The following CHST7 variants were observed in gnomAD, a reference collection of about 807,000 sequenced individuals.
CHST7 encodes N-acetylglucosamine 6-O-sulfotransferase 4.
Under a neutral mutation model 9.0 loss-of-function variants are expected in CHST7, and 5 were observed. The ratio of observed to expected loss-of-function variants is 0.56; its 90% CI spans 0.29 to 1.17. CHST7 has a LOEUF of 1.17. CHST7 is among the 50% of genes most tolerant of loss of function. The probability of loss-of-function intolerance (pLI) is 0.08; values close to 1 mark genes in which losing one functional copy is unlikely to be tolerated. For missense variants in CHST7, 377 were observed against 485.1 expected (o/e 0.78, Z 2.09); for synonymous variants, 244 against 237.1 (o/e 1.03, Z -0.27).
At position 46,574,903 on chromosome X, in the gene CHST7, C is replaced by T. The variant is rs1229468943; in HGVS notation, c.972C>T (p.Pro324=). 4.3e-6 allele frequency: 5 copies of T among 1,155,028 alleles called. No individual in the cohort carries two copies. The highest frequency in any genetic ancestry group is 2.4e-4 in the Middle Eastern group (1 of 4,110). Reference sequence around the variant, plus strand: ...TGGCGCACGGCGTGGGTGCTCGCCCCGGGGGCCAGTCTCGCGCGCTGCCCG... The same window carrying T: ...TGGCGCACGGCGTGGGTGCTCGCCCTGGGGGCCAGTCTCGCGCGCTGCCCG... ...VLLAHGVGAR[P]GGQSRALPAA... Residue 324 remains proline (P), a synonymous_variant, in exon 1 of 2, where the codon CCC becomes CCT. Transcript: ENST00000276055.
At chrX:46,585,137 G>A (rs1367494149) in intron 1 of CHST7, among the ~76,000 whole-genome samples, 4 of 110,544 alleles carry the variant, frequency 3.6e-5, no homozygotes, top group African/African-American at 1.3e-4. Context: ...TCTGTCTCTT[G>A]CTATAATAAA....
intron 1 of CHST7, among the ~76,000 whole-genome samples, chrX:46,586,873 T>A (rs1184940750): frequency 9.1e-6 from 1 of 110,255 alleles, no homozygotes; most frequent in African/African-American, 3.3e-5. Context: ...GTAGCTGGGA[T>A]TATAGGCATG....
chrX:46,591,837 A>G (rs1051501871), intron 1 of CHST7, among the ~76,000 whole-genome samples: 1 of 110,656 alleles, frequency 9.0e-6, no homozygotes, highest in Non-Finnish European at 1.9e-5. Flanking sequence ...CGCGTGCATT[A>G]GATATTTGTC....
chrX:46,578,269 CTTTTTTTTTTTTTT>C (rs3071957), intron 1 of CHST7, among the ~76,000 whole-genome samples: 1 of 51,343 alleles, frequency 1.9e-5, no homozygotes, highest in Non-Finnish European at 3.1e-5. Context: ...CTGCCATGCT[CTTTTTTTTTTTTTT>C]TTTTTTTTTT....
chrX:46,584,322 G>A (rs1039650225), intron 1 of CHST7, among the ~76,000 whole-genome samples: 7 of 110,632 alleles, frequency 6.3e-5, no homozygotes, highest in African/African-American at 2.3e-4. Flanking sequence ...CAGATCACCC[G>A]AGGTTGGGAG....
chrX:46,595,816 T>G (rs1324881094), intron 1 of CHST7, among the ~76,000 whole-genome samples: 1 of 111,352 alleles, frequency 9.0e-6, no homozygotes, highest in African/African-American at 3.3e-5. Context: ...GAATAAGAAG[T>G]GCATCTATTC....
chrX:46,585,121 A>G (rs1164348338), intron 1 of CHST7, among the ~76,000 whole-genome samples: 1 of 111,065 alleles, frequency 9.0e-6, no homozygotes, highest in African/African-American at 3.3e-5. Flanking sequence ...AAGTAAGAGA[A>G]GTAGATCTGT....
chrX:46,575,175 G>C lies in CHST7; in HGVS notation c.1244G>C (p.Gly415Ala). The change falls in exon 1 of 2, where the codon GGC becomes GCC. Residue 415 changes from glycine to alanine, a missense_variant. Gly to Ala is a moderately conservative substitution (Grantham distance 60). This residue lies in a region of CHST7 where 130 missense variants were observed against 134.9 expected (regional missense o/e 0.96). Coordinates refer to ENST00000276055, the MANE Select transcript of CHST7 (RefSeq NM_019886.4). ...AACATGACTCGCGGCGCGGCCTACGGCGCCGACCGGCCCTTCCACCTGTCA... is the reference window on the plus strand; with the variant it reads ...AACATGACTCGCGGCGCGGCCTACGCCGCCGACCGGCCCTTCCACCTGTCA... ...ALNMTRGAAY[G>A]ADRPFHLSAR... 1 of 1,099,916 alleles carries C rather than the reference G, an allele frequency of 9.1e-7. No homozygotes were observed. The highest frequency in any genetic ancestry group is 1.2e-6 in the Non-Finnish European group (1 of 849,632). 90.6% of individuals were successfully genotyped at this position (1,099,916 alleles called of 1,213,427 possible). A position where few individuals can be genotyped will look rare whatever the true frequency, so the allele number is the denominator to read the frequency against.
At chrX:46,589,302 C>A (rs1942563081) in intron 1 of CHST7, among the ~76,000 whole-genome samples, 1 of 111,443 alleles carries the variant, frequency 9.0e-6, no homozygotes, top group African/African-American at 3.3e-5. Flanking sequence ...TAATTCCCAG[C>A]ACTTTGGGAG....
At chrX:46,597,506 C>A (rs1440121091) in intron 1 of CHST7, among the ~76,000 whole-genome samples, 1 of 112,153 alleles carries the variant, frequency 8.9e-6, no homozygotes, top group African/African-American at 3.2e-5. Context: ...ACAACAGCAG[C>A]TGCAGAAAGC....
Position 46,597,827 on chromosome X carries a change from A to AATC in CHST7, c.*100_*102dup, listed in dbSNP as rs1556030755. 1.8e-5 allele frequency: 2 copies of AATC among 113,038 alleles called. No individual in the cohort carries two copies. Among genetic ancestry groups the AATC allele is most frequent in the East Asian group, 2.8e-4 (1 of 3,599 alleles). The allele number at this position is 113,038 out of a possible 1,213,427, so 9.3% of individuals were successfully genotyped here. A position where few individuals can be genotyped will look rare whatever the true frequency, so the allele number is the denominator to read the frequency against. ...ACTGGAGAAGCAGCGCTGTGGGGGC[A>AATC]ATCTGTCACACTCTCAGAGTCTGGG... On this transcript the variant is annotated 3_prime_UTR_variant, in exon 2 of 2. Transcript: ENST00000276055.
chrX:46,584,486 G>A (rs1942539319), intron 1 of CHST7, among the ~76,000 whole-genome samples: 1 of 97,722 alleles, frequency 1.0e-5, no homozygotes, highest in Non-Finnish European at 2.0e-5. Context: ...GTGGTGAGCC[G>A]AGATCGCACC....
rs1464772511 is a variant in CHST7 at position 46,575,395 on chromosome X, T to C, written c.*3T>C. On this transcript the variant is annotated 3_prime_UTR_variant, in exon 1 of 2. Coordinates refer to ENST00000276055, the MANE Select transcript of CHST7 (RefSeq NM_019886.4). ...TGGATGCCGACGGCGCCACGTAGCC[T>C]CCCATCCCTGTCCCCGGCACGGATC... 1.9e-5 allele frequency: 20 copies of C among 1,030,566 alleles called. No homozygotes were observed. Among genetic ancestry groups the C allele is most frequent in the Non-Finnish European group, 2.3e-5 (19 of 811,330 alleles). 84.9% of individuals were successfully genotyped at this position (1,030,566 alleles called of 1,213,427 possible).
Position 46,575,021 on chromosome X carries a change from G to A in CHST7, c.1090G>A (p.Ala364Thr). 1.8e-6 allele frequency: 2 copies of A among 1,130,083 alleles called. No homozygotes were observed. The highest frequency in any genetic ancestry group is 3.7e-5 in the African/African-American group (2 of 53,336). The allele number at this position is 1,130,083 out of a possible 1,213,427, so 93.1% of individuals were successfully genotyped here. A position where few individuals can be genotyped will look rare whatever the true frequency, so the allele number is the denominator to read the frequency against. The change falls in exon 1 of 2, where the codon GCC becomes ACC. Residue 364 changes from alanine (A) to threonine (T), a missense_variant. Transcript: ENST00000276055. ...TCTGCTTTTCGCGCGCGGCGCGCCC[G>A]CCTGGCTGCGGCGCCGCTACCTGAG... ...RDLLFARGAPAWLRRRYLRLR... is the reference protein window; with the variant it reads ...RDLLFARGAPTWLRRRYLRLR...
intron 1 of CHST7, among the ~76,000 whole-genome samples, chrX:46,586,911 T>G (rs1319298888): frequency 2.7e-5 from 3 of 110,470 alleles, no homozygotes; most frequent in African/African-American, 9.9e-5. Context: ...AATTTTGTGT[T>G]TTTAATAGAG....
Position 46,598,040 on chromosome X carries a change from C to CATT in CHST7, c.*313_*315dup, listed in dbSNP as rs1223157690. Reference sequence around the variant, plus strand: ...AGGCTGAACCTGCCACTGCTGGAGCCATTTCAACAAGGCATCCTCACAACA... The same window carrying CATT: ...AGGCTGAACCTGCCACTGCTGGAGCCATTATTTCAACAAGGCATCCTCACAACA... On this transcript the variant is annotated 3_prime_UTR_variant, in exon 2 of 2. Coordinates refer to ENST00000276055, the MANE Select transcript of CHST7 (RefSeq NM_019886.4). 1 of 112,574 alleles carries CATT rather than the reference C, an allele frequency of 8.9e-6. No individual in the cohort carries two copies. The highest frequency in any genetic ancestry group is 3.2e-5 in the African/African-American group (1 of 30,922). 9.3% of individuals were successfully genotyped at this position (112,574 alleles called of 1,213,427 possible).
chrX:46,585,748 G>T (rs1942546390), intron 1 of CHST7, among the ~76,000 whole-genome samples: 1 of 111,101 alleles, frequency 9.0e-6, no homozygotes, highest in Non-Finnish European at 1.9e-5. Flanking sequence ...ATTTATGTAT[G>T]TATTTATCTA....
rs1942493321 is a variant in CHST7, at chrX:46,575,272, G to A, written c.1341G>A (p.Glu447=). 9.0e-7 allele frequency: 1 copy of A among 1,107,288 alleles called. No homozygotes were observed. Among genetic ancestry groups the A allele is most frequent in the Non-Finnish European group, 1.2e-6 (1 of 848,897 alleles). The allele number at this position is 1,107,288 out of a possible 1,213,427, so 91.3% of individuals were successfully genotyped here. A position where few individuals can be genotyped will look rare whatever the true frequency, so the allele number is the denominator to read the frequency against. Residue 447 remains glutamate (E), a synonymous_variant, in exon 1 of 2, where the codon GAG becomes GAA. Coordinates refer to ENST00000276055, the MANE Select transcript of CHST7 (RefSeq NM_019886.4). ...RLSREQVRQV[E]AACAPAMRLL... Reference sequence around the variant, plus strand: ...GCCGAGAGCAGGTGCGCCAGGTGGAGGCCGCCTGCGCTCCAGCCATGCGTC... The same window carrying A: ...GCCGAGAGCAGGTGCGCCAGGTGGAAGCCGCCTGCGCTCCAGCCATGCGTC...
chrX:46,574,327 G>A lies in CHST7; in HGVS notation c.396G>A (p.Glu132=). ...NQHPDVFYLY[E]PMWHLWQALY... ...ACCCGGACGTTTTCTACTTGTATGA[G>A]CCCATGTGGCATCTATGGCAGGCGC... The change falls in exon 1 of 2, where the codon GAG becomes GAA. Residue 132 remains glutamate (E), a synonymous_variant. Coordinates refer to ENST00000276055, the MANE Select transcript of CHST7 (RefSeq NM_019886.4). 8.3e-7 allele frequency: 1 copy of A among 1,211,298 alleles called. No individual in the cohort carries two copies. Among genetic ancestry groups the A allele is most frequent in the Non-Finnish European group, 1.1e-6 (1 of 895,318 alleles).
Sources: allele counts gnomAD v4.1 joint callset (sites outside exome capture counted in the v4.1 genomes callset), GRCh38; gene constraint gnomAD v4.1.1; regional missense constraint gnomAD v4.1.1; transcripts MANE v1.5; gene names NCBI Gene and HGNC (gene_info 2026-07-23, HGNC 2026-07-21).